The following SMARCC1 variants were observed in gnomAD, a reference collection of about 807,000 sequenced individuals.
The protein encoded by SMARCC1 is SWI/SNF related BAF chromatin remodeling complex subunit C1.
Under a neutral mutation model 147.4 loss-of-function variants are expected in SMARCC1, and 43 were observed. The observed-to-expected ratio is 0.29, with a 90% CI of 0.23 to 0.38. The LOEUF (loss-of-function observed/expected upper bound fraction) is 0.38. Among genes scored for constraint, SMARCC1 ranks in the 10% least tolerant of loss-of-function variants. The pLI, the probability that SMARCC1 is intolerant of heterozygous loss-of-function variation, is 1.00. For synonymous variants in SMARCC1, 495 were observed against 484.4 expected, an observed-to-expected ratio of 1.02 and a Z score of -0.29; for missense variants, 1,119 against 1,381.1, an observed-to-expected ratio of 0.81 and a Z score of 3.01.
chr3:47,755,363 G>A (rs1000731746), intron 2 of SMARCC1, among the ~76,000 whole-genome samples: 7 of 151,230 alleles, frequency 4.6e-5, no homozygotes, highest in Admixed American at 1.3e-4. Context: ...AGACAGGCAC[G>A]GTGGCAGCCT....
intron 2 of SMARCC1, among the ~76,000 whole-genome samples, chr3:47,768,158 T>C (rs1197847900): frequency 6.6e-6 from 1 of 152,152 alleles, no homozygotes; most frequent in African/African-American, 2.4e-5. Context: ...ACCATACTGA[T>C]TACTCAGGGA....
At chr3:47,707,572 T>G (rs1448873797) in intron 9 of SMARCC1, among the ~76,000 whole-genome samples, 2 of 151,948 alleles carry the variant, frequency 1.3e-5, no homozygotes, top group African/African-American at 2.4e-5. Flanking sequence ...GTAAATAATC[T>G]AAAATTAAAA....
chr3:47,610,625 C>T, intron 25 of SMARCC1: 1 of 412,126 alleles, frequency 2.4e-6, no homozygotes, highest in South Asian at 2.7e-5. Flanking sequence ...ATGTAATCCC[C>T]TCTATGTTTG....
intron 26 of SMARCC1, among the ~76,000 whole-genome samples, chr3:47,601,427 A>G (rs752556617): frequency 6.6e-6 from 1 of 152,146 alleles, no homozygotes; most frequent in Non-Finnish European, 1.5e-5. Flanking sequence ...CCTCTGGCTG[A>G]GTCTCCTGGA....
chr3:47,622,856 G>A (rs1325055078), intron 24 of SMARCC1, among the ~76,000 whole-genome samples: 1 of 152,188 alleles, frequency 6.6e-6, no homozygotes, highest in East Asian at 1.9e-4. Flanking sequence ...CAAGTCCATA[G>A]CTGGAAAAAT....
chr3:47,726,421 A>G (rs2034300885), intron 6 of SMARCC1, among the ~76,000 whole-genome samples: 1 of 152,164 alleles, frequency 6.6e-6, no homozygotes, highest in Non-Finnish European at 1.5e-5. Flanking sequence ...TTGCTTCATC[A>G]TTATTATTGT....
chr3:47,590,881 G>A (rs1487770875), intron 26 of SMARCC1, 44 bp from the exon 27 acceptor site: 2 of 1,514,742 alleles, frequency 1.3e-6, no homozygotes, highest in African/African-American at 2.8e-5. Flanking sequence ...CTAGAAAGGG[G>A]TGTAAGAAAG....
At chr3:47,696,685 AT>A (rs1292205425) in intron 11 of SMARCC1, among the ~76,000 whole-genome samples, 1 of 150,742 alleles carries the variant, frequency 6.6e-6, no homozygotes, top group Non-Finnish European at 1.5e-5. Context: ...CACCCGGCTA[AT>A]TTTTTTTTGT....
intron 2 of SMARCC1, among the ~76,000 whole-genome samples, chr3:47,765,113 T>C (rs1045439924): frequency 3.3e-5 from 5 of 152,008 alleles, no homozygotes; most frequent in African/African-American, 1.2e-4. Context: ...TAGCCGGGCG[T>C]GGTGGCGCAT....
intron 2 of SMARCC1, among the ~76,000 whole-genome samples, chr3:47,771,500 T>A (rs1222698451): frequency 6.6e-6 from 1 of 152,124 alleles, no homozygotes; most frequent in Admixed American, 6.6e-5. Flanking sequence ...GTAATCCCAG[T>A]GCTCTGGGAG....
rs866557327 is a variant in SMARCC1, at chr3:47,725,536, C to T, written c.646+3489G>A. ...TGCCATCTTGGCTCACCGCAACCTC[C>T]GCCTCCTGGGTTTGAGCAATTCTCC... On this transcript the variant is annotated intron_variant, in intron 6 of 27. Coordinates refer to ENST00000254480, the MANE Select transcript of SMARCC1 (RefSeq NM_003074.4). 3.3e-5 allele frequency among the ~76,000 whole-genome samples: 5 copies of T among 151,990 alleles called. 1 individual carries two copies. The highest frequency in any genetic ancestry group is 4.1e-4 in the South Asian group (2 of 4,820).
At position 47,588,244 on chromosome 3, in the gene SMARCC1, G is replaced by C; in HGVS notation, c.3283C>G (p.Pro1095Ala). 1 of 1,613,940 alleles carries C rather than the reference G, an allele frequency of 6.2e-7. No individual in the cohort carries two copies. Among genetic ancestry groups the C allele is most frequent in the Non-Finnish European group, 8.5e-7 (1 of 1,179,910 alleles). Residue 1095 changes from proline to alanine, a missense_variant, in exon 28 of 28, where the codon CCT becomes GCT. Pro to Ala is a conservative substitution (Grantham distance 27). Coordinates refer to ENST00000254480, the MANE Select transcript of SMARCC1 (RefSeq NM_003074.4). Reference sequence around the variant, plus strand: ...GCTGAGGCTGGCGGGCCAGGAGCAGGAGGCGGAGGGACCCCATCTGCAGGT... The same window carrying C: ...GCTGAGGCTGGCGGGCCAGGAGCAGCAGGCGGAGGGACCCCATCTGCAGGT... The part of the protein sequence containing the change: ...PPPADGVPPP[P>A]APGPPASAAP
At chr3:47,645,319 C>G (rs1486737310) in intron 21 of SMARCC1, among the ~76,000 whole-genome samples, 2 of 151,352 alleles carry the variant, frequency 1.3e-5, no homozygotes, top group Non-Finnish European at 2.9e-5. Context: ...AAAACCAACC[C>G]TCAAATATGC....
intron 2 of SMARCC1, among the ~76,000 whole-genome samples, chr3:47,766,207 C>T (rs2034838202): frequency 6.6e-6 from 1 of 152,100 alleles, no homozygotes; most frequent in Admixed American, 6.6e-5. Context: ...ATATTTCTTA[C>T]TCTCAGAGCT....
At position 47,586,275 on chromosome 3, in the gene SMARCC1, C is replaced by T. The variant is rs1450399912; in HGVS notation, c.*1934G>A. The T allele has an allele frequency of 6.6e-6, 1 of 152,218 alleles. No homozygotes were observed. Among genetic ancestry groups the T allele is most frequent in the East Asian group, 1.9e-4 (1 of 5,208 alleles). The allele number at this position is 152,218 out of a possible 1,614,324, so 9.4% of individuals were successfully genotyped here. ...ACAGTATGAACCAGAATTCCATTTT[C>T]CTTCTCGGACTCCAGGGGAAAAAAG... On this transcript the variant is annotated 3_prime_UTR_variant, in exon 28 of 28. Coordinates refer to ENST00000254480, the MANE Select transcript of SMARCC1 (RefSeq NM_003074.4).
At chr3:47,738,416 T>C (rs1432031989) in intron 3 of SMARCC1, among the ~76,000 whole-genome samples, 1 of 152,210 alleles carries the variant, frequency 6.6e-6, no homozygotes, top group Non-Finnish European at 1.5e-5. Context: ...CTGGGCGCAG[T>C]GGCTGACGCC....
intron 25 of SMARCC1, among the ~76,000 whole-genome samples, chr3:47,620,825 T>C (rs1224373657): frequency 2.0e-5 from 3 of 152,180 alleles, no homozygotes; most frequent in Admixed American, 1.3e-4. Context: ...AAGTTCTCCT[T>C]TCTAGTATTT....
chr3:47,642,369 C>T (rs1243037505), intron 21 of SMARCC1, among the ~76,000 whole-genome samples: 1 of 152,122 alleles, frequency 6.6e-6, no homozygotes, highest in African/African-American at 2.4e-5. Context: ...GCAGGTGGAT[C>T]ACTTGAGGTA....
At chr3:47,676,958 C>T (rs2033582287) in intron 16 of SMARCC1, among the ~76,000 whole-genome samples, 176 bp from the exon 17 acceptor site, 1 of 152,176 alleles carries the variant, frequency 6.6e-6, no homozygotes, top group African/African-American at 2.4e-5. Flanking sequence ...TTTCTACAAG[C>T]CACAAGTAAT....
Sources: gnomAD v4.1 joint callset for allele counts (sites outside exome capture counted in the v4.1 genomes callset) on GRCh38, gnomAD v4.1.1 for gene constraint, MANE v1.5 for transcripts, NCBI Gene and HGNC (gene_info 2026-07-23, HGNC 2026-07-21) for gene names.